The following ZNF462 variants were observed in gnomAD, a reference collection of about 807,000 sequenced individuals.
ZNF462 encodes the protein zinc finger PBX1-interacting protein.
In ZNF462, 10 loss-of-function variants were observed where a neutral mutation model predicts 201.9. The ratio of observed to expected loss-of-function variants is 0.05; its 90% CI spans 0.03 to 0.08. The LOEUF (loss-of-function observed/expected upper bound fraction) is 0.08, where lower values mean the gene tolerates loss of function less well. Among genes scored for constraint, ZNF462 ranks in the 10% least tolerant of loss-of-function variants. The pLI is 1.00. For missense variants in ZNF462, 2,523 were observed against 3,168.3 expected (o/e 0.80, Z 4.89); for synonymous variants, 1,227 against 1,193.3 (o/e 1.03, Z -0.58).
chr9:106,898,041 A>G (rs935088715), intron 1 of ZNF462, among the ~76,000 whole-genome samples: 2 of 152,204 alleles, frequency 1.3e-5, no homozygotes, highest in African/African-American at 4.8e-5. Flanking sequence ...TTTTCCCCAC[A>G]TTTATACATT....
rs1588053685 is a variant in ZNF462, at chr9:106,919,259, C to T, written c.-30-4095C>T. ...ACCTGGACCAAGTGATGGTGGCGGG[C>T]CTGTAAGAATGCTGTACAATGTCAA... On this transcript the variant is annotated intron_variant, in intron 1 of 12. Transcript: ENST00000277225. This position sits in a 1 kb window ranked among gnomAD's most constrained non-coding sequence, Gnocchi z 4.5. 2.0e-5 allele frequency among the ~76,000 whole-genome samples: 3 copies of T among 152,178 alleles called. No homozygotes were observed. Among genetic ancestry groups the T allele is most frequent in the South Asian group, 2.1e-4 (1 of 4,832 alleles).
intron 4 of ZNF462, among the ~76,000 whole-genome samples, chr9:106,931,283 T>C (rs1463938336): frequency 6.6e-6 from 1 of 152,166 alleles, no homozygotes; most frequent in Non-Finnish European, 1.5e-5. Context: ...CCCTCTGACT[T>C]TTATTAGGCC....
At chr9:106,912,105 G>C (rs965562659) in intron 1 of ZNF462, among the ~76,000 whole-genome samples, 1 of 152,098 alleles carries the variant, frequency 6.6e-6, no homozygotes. Flanking sequence ...AACCGACCCT[G>C]CTATGTCCAG....
intron 7 of ZNF462, among the ~76,000 whole-genome samples, chr9:106,943,912 T>C (rs1830994534): frequency 6.6e-6 from 1 of 152,132 alleles, no homozygotes; most frequent in Admixed American, 6.6e-5. Context: ...AGATGAAACC[T>C]TAGGGAATGC....
Position 106,924,347 on chromosome 9 carries a change from G to A in ZNF462, c.435G>A (p.Pro145=), listed in dbSNP as rs764331270. 3.1e-5 allele frequency: 50 copies of A among 1,613,932 alleles called. No homozygotes were observed. Among genetic ancestry groups the A allele is most frequent in the African/African-American group, 4.0e-5 (3 of 74,892 alleles). Residue 145 remains proline, a synonymous_variant, in exon 3 of 13, where the codon CCG becomes CCA. Coordinates refer to ENST00000277225, the MANE Select transcript of ZNF462 (RefSeq NM_021224.6). This position sits in a 1 kb window ranked among gnomAD's most constrained non-coding sequence, Gnocchi z 6.2. The part of the protein sequence containing the change: ...AEGSSSGPPV[P]GSLNYNIMMH... ...GGAGTTCATCAGGACCCCCTGTCCCGGGATCCTTAAATTATAATATCATGA... is the reference window on the plus strand; with the variant it reads ...GGAGTTCATCAGGACCCCCTGTCCCAGGATCCTTAAATTATAATATCATGA...
rs1165579215 is a variant in ZNF462, at chr9:107,010,323, A to T, written c.7314-500A>T. On this transcript the variant is annotated intron_variant, in intron 12 of 12. Coordinates refer to ENST00000277225, the MANE Select transcript of ZNF462 (RefSeq NM_021224.6). This position sits in a 1 kb window ranked among gnomAD's most constrained non-coding sequence, Gnocchi z 4.6. ...AGAGAATATAACCAAGCTTCCCGAG[A>T]CATGGGTTCCATCTTCAGGTTTTTG... 1.3e-5 allele frequency among the ~76,000 whole-genome samples: 2 copies of T among 152,104 alleles called. No homozygotes were observed. The highest frequency in any genetic ancestry group is 2.9e-5 in the Non-Finnish European group (2 of 68,014).
chr9:106,908,922 T>TATATATATATATAC (rs1564090691), intron 1 of ZNF462, among the ~76,000 whole-genome samples: 3 of 29,356 alleles, frequency 1.0e-4, no homozygotes, highest in Admixed American at 3.0e-4. Flanking sequence ...TATATATATA[T>TATATATATATATAC]ATATATATAT....
chr9:106,910,787 G>A (rs1246044175), intron 1 of ZNF462, among the ~76,000 whole-genome samples: 1 of 151,928 alleles, frequency 6.6e-6, no homozygotes, highest in Non-Finnish European at 1.5e-5. Context: ...AAGTTTCTTT[G>A]GTTAGCCTAA....
At chr9:106,939,803 T>C (rs1472277152) in intron 7 of ZNF462, among the ~76,000 whole-genome samples, 1 of 152,198 alleles carries the variant, frequency 6.6e-6, no homozygotes, top group East Asian at 1.9e-4. Context: ...AGGGATAGTT[T>C]ATTGTTTTTA....
At chr9:106,921,529 T>C (rs957041382) in intron 1 of ZNF462, among the ~76,000 whole-genome samples, 1 of 152,132 alleles carries the variant, frequency 6.6e-6, no homozygotes, top group African/African-American at 2.4e-5. Context: ...TAGGGCAGCT[T>C]AGTGAGTCTT....
At chr9:106,871,003 G>GA (rs1827565623) in intron 1 of ZNF462, among the ~76,000 whole-genome samples, 2 of 152,196 alleles carry the variant, frequency 1.3e-5, no homozygotes, top group Admixed American at 1.3e-4. Flanking sequence ...AAATGCCAGA[G>GA]GCTGGGGGGT....
Position 106,865,632 on chromosome 9 carries a change from A to T in ZNF462, c.-31+2277A>T, listed in dbSNP as rs4743033. Among the ~76,000 whole-genome samples, 28,482 of 151,842 alleles carry T rather than the reference A, an allele frequency of 0.19. 2,665 individuals are homozygous for T. The highest frequency in any genetic ancestry group is 0.27 in the South Asian group (1,320 of 4,810). On this transcript the variant is annotated intron_variant, in intron 1 of 12. Transcript: ENST00000277225. The surrounding 1 kb of genome is among the most constrained non-coding windows in gnomAD (Gnocchi z 4.1). Reference sequence around the variant, plus strand: ...TTCCCCTTTCCCTTTCCGTCGGCTAATTTTTTCTGTGTTCTGAAGTACTCT... The same window carrying T: ...TTCCCCTTTCCCTTTCCGTCGGCTATTTTTTTCTGTGTTCTGAAGTACTCT...
intron 9 of ZNF462, among the ~76,000 whole-genome samples, chr9:106,980,417 C>T (rs1323760119): frequency 6.6e-6 from 1 of 152,098 alleles, no homozygotes; most frequent in Admixed American, 6.6e-5. Context: ...GTAGACTTGG[C>T]ATGTTCTGGG....
rs534814651 is a variant in ZNF462 at position 107,003,572 on chromosome 9, A to G, written c.7189+146A>G. The G allele has an allele frequency of 3.8e-6, 4 of 1,040,422 alleles. No individual in the cohort carries two copies. Among genetic ancestry groups the G allele is most frequent in the East Asian group, 2.9e-5 (1 of 34,726 alleles). The allele number at this position is 1,040,422 out of a possible 1,614,324, so 64.4% of individuals were successfully genotyped here. On this transcript the variant is annotated intron_variant, in intron 11 of 12. Transcript: ENST00000277225. The surrounding 1 kb of genome is among the most constrained non-coding windows in gnomAD (Gnocchi z 4.4). ...CAGAACAGACTGACTTAGAAAACACATCAAGAGCTGTGTCTTTGTAAACTA... is the reference window on the plus strand; with the variant it reads ...CAGAACAGACTGACTTAGAAAACACGTCAAGAGCTGTGTCTTTGTAAACTA...
At position 107,010,724 on chromosome 9, in the gene ZNF462, A is replaced by C. The variant is rs1473535406; in HGVS notation, c.7314-99A>C. 1 of 1,200,738 alleles carries C rather than the reference A, an allele frequency of 8.3e-7. No homozygotes were observed. 74.4% of individuals were successfully genotyped at this position (1,200,738 alleles called of 1,614,324 possible). ...GAAACCCCAAGGCTTTTTGAGGATC[A>C]GGAAAATAAAGACACTCGAGGGTTT... On this transcript the variant is annotated intron_variant, in intron 12 of 12. Transcript: ENST00000277225. The surrounding 1 kb of genome is among the most constrained non-coding windows in gnomAD (Gnocchi z 4.6).
chr9:106,914,751 G>A (rs1210812386), intron 1 of ZNF462, among the ~76,000 whole-genome samples: 1 of 152,156 alleles, frequency 6.6e-6, no homozygotes, highest in African/African-American at 2.4e-5. Flanking sequence ...AATAGTGAAG[G>A]AAATAAAGTA....
rs1829085716 is a variant in ZNF462 at position 106,902,026 on chromosome 9, C to T, written c.-30-21328C>T. Among the ~76,000 whole-genome samples the T allele has an allele frequency of 6.6e-6, 1 of 152,056 alleles. No individual in the cohort carries two copies. Among genetic ancestry groups the T allele is most frequent in the South Asian group, 2.1e-4 (1 of 4,818 alleles). ...TCTCAGAGGGAGAGCTTTCAACTTT[C>T]CCCATTCAGTATTATGCTGGCTGTG... is the stretch of plus-strand genomic sequence containing the variant. On this transcript the variant is annotated intron_variant, in intron 1 of 12. Coordinates refer to ENST00000277225, the MANE Select transcript of ZNF462 (RefSeq NM_021224.6). This position sits in a 1 kb window ranked among gnomAD's most constrained non-coding sequence, Gnocchi z 4.2.
chr9:106,968,709 C>A lies in ZNF462; in HGVS notation c.6428-3296C>A, dbSNP rs1198972372. On this transcript the variant is annotated intron_variant, in intron 7 of 12. Coordinates refer to ENST00000277225, the MANE Select transcript of ZNF462 (RefSeq NM_021224.6). The surrounding 1 kb of genome is among the most constrained non-coding windows in gnomAD (Gnocchi z 4.0). ...TGAGCCGCAGTTGGGTGCAGAACTT[C>A]CCACTGAATTCACATCCATGTGATT... Among the ~76,000 whole-genome samples, 1 of 152,156 alleles carries A rather than the reference C, an allele frequency of 6.6e-6. No individual in the cohort carries two copies. The highest frequency in any genetic ancestry group is 1.5e-5 in the Non-Finnish European group (1 of 68,026).
At chr9:106,916,113 CCACTGGCCATA>C (rs1829762075) in intron 1 of ZNF462, among the ~76,000 whole-genome samples, 2 of 152,204 alleles carry the variant, frequency 1.3e-5, no homozygotes, top group Non-Finnish European at 1.5e-5. Flanking sequence ...ACTCCGCAAG[CCACTGGCCATA>C]CATCATTTTT....
Sources: gnomAD v4.1 joint callset for allele counts (sites outside exome capture counted in the v4.1 genomes callset) on GRCh38, gnomAD v4.1.1 for gene constraint, Gnocchi (gnomAD v3.1) non-coding constraint, MANE v1.5 for transcripts, NCBI Gene and HGNC (gene_info 2026-07-23, HGNC 2026-07-21) for gene names.